KIF12: variants seen among roughly 807,000 people sequenced by gnomAD.
KIF12 encodes kinesin family member 12.
KIF12 carries 80 observed loss-of-function variants against 87.9 expected under a neutral mutation model. The ratio of observed to expected loss-of-function variants is 0.91; its 90% confidence interval spans 0.76 to 1.10. The LOEUF (loss-of-function observed/expected upper bound fraction) is 1.10, where lower values mean the gene tolerates loss of function less well. KIF12 is among the 50% of genes least tolerant of loss of function. The pLI is 0.00. For missense variants in KIF12, 819 were observed against 865.3 expected, an observed-to-expected ratio of 0.95 and a Z score of 0.67; for synonymous variants, 353 against 348.5, an observed-to-expected ratio of 1.01 and a Z score of -0.14.
intron 15 of KIF12, 32 bp downstream of exon 15, chr9:114,093,375 G>A (rs1007776977): frequency 1.3e-6 from 2 of 1,555,808 alleles, no homozygotes; most frequent in African/African-American, 1.4e-5. Context: ...ATCCCTACTT[G>A]TCACCCCTCC....
rs1234332026 is a variant in KIF12 at position 114,097,760 on chromosome 9, G to A, written c.376-19C>T. 5.0e-6 allele frequency: 8 copies of A among 1,608,320 alleles called. No individual in the cohort carries two copies. The highest frequency in any genetic ancestry group is 2.2e-5 in the East Asian group (1 of 44,566). On this transcript the variant is annotated intron_variant, in intron 5 of 18. Coordinates refer to ENST00000640217, the MANE Select transcript of KIF12 (RefSeq NM_001388308.1). ...CCTCCCCCTAGGGGCAAAACCAGCT[G>A]AGCCATCGTCATCTCCACAGTAATA... is the stretch of plus-strand genomic sequence containing the variant.
chr9:114,091,854 T>A lies in KIF12; in HGVS notation c.*7A>T. 1 of 1,593,822 alleles carries A rather than the reference T, an allele frequency of 6.3e-7. No individual in the cohort carries two copies. Among genetic ancestry groups the A allele is most frequent in the Non-Finnish European group, 8.6e-7 (1 of 1,165,796 alleles). On this transcript the variant is annotated 3_prime_UTR_variant, in exon 19 of 19. Coordinates refer to ENST00000640217, the MANE Select transcript of KIF12 (RefSeq NM_001388308.1). The stretch of plus-strand genomic sequence containing the variant: ...ACACAGCAGTCTCCTGGGTTCCCAC[T>A]TGGCCTTCAATGGGGAGGGAGGACT...
intron 3 of KIF12, 71 bp from the exon 4 acceptor site, chr9:114,098,500 GT>G (rs1847338414): frequency 1.6e-5 from 15 of 925,836 alleles, no homozygotes; most frequent in East Asian, 1.2e-4. Flanking sequence ...GCGGGGCACC[GT>G]GGAGGAGGGC....
rs147618581 is a variant in KIF12, at chr9:114,095,230, C to T, written c.998G>A (p.Arg333His). The T allele has an allele frequency of 1.3e-4, 213 of 1,613,814 alleles. No individual in the cohort carries two copies. Among genetic ancestry groups the T allele is most frequent in the African/African-American group, 1.3e-3 (96 of 75,054 alleles). The change falls in exon 10 of 19, where the codon CGC becomes CAC. Residue 333 changes from arginine to histidine, a missense_variant. Transcript: ENST00000640217. ...TKLLADSLGG[R>H]GVTLMVACVS... ...CTTAAGTACCATGAGGGTGACCCCG[C>T]GCCCTCCCAGTGAGTCTGCCAGCAA...
At position 114,096,040 on chromosome 9, in the gene KIF12, C is replaced by T. The variant is rs1187582441; in HGVS notation, c.895+11G>A. On this transcript the variant is annotated intron_variant, in intron 9 of 18. Coordinates refer to ENST00000640217, the MANE Select transcript of KIF12 (RefSeq NM_001388308.1). Reference sequence around the variant, plus strand: ...AGACAGGAAATCACACCGGTGGCCCCCAGGTCTCACCCAGGGCCAGCAGGC... The same window carrying T: ...AGACAGGAAATCACACCGGTGGCCCTCAGGTCTCACCCAGGGCCAGCAGGC... 2 of 1,604,064 alleles carry T rather than the reference C, an allele frequency of 1.2e-6. No homozygotes were observed. The highest frequency in any genetic ancestry group is 1.7e-6 in the Non-Finnish European group (2 of 1,175,532).
chr9:114,093,541 C>G, intron 14 of KIF12, 44 bp from the exon 15 acceptor site: 1 of 1,468,916 alleles, frequency 6.8e-7, no homozygotes, highest in South Asian at 1.2e-5. Context: ...TCCAACCCTA[C>G]CACCAAGCTG....
chr9:114,093,489 A>G lies in KIF12; in HGVS notation c.1409T>C (p.Leu470Pro). ...QQVHALERRL[L>P]SACYHHQQGP... ...CTGCTGGTGATGGTAGCAGGCAGAGAGGAGACGCCTAGAAAGAACAGCAGG... is the reference window on the plus strand; with the variant it reads ...CTGCTGGTGATGGTAGCAGGCAGAGGGGAGACGCCTAGAAAGAACAGCAGG... The change falls in exon 15 of 19, where the codon CTC (leucine) becomes CCC (proline). Residue 470 changes from leucine to proline, a missense_variant. Transcript: ENST00000640217. The G allele has an allele frequency of 6.4e-7, 1 of 1,557,912 alleles. No homozygotes were observed. Among genetic ancestry groups the G allele is most frequent in the Non-Finnish European group, 8.7e-7 (1 of 1,150,246 alleles).
At position 114,097,665 on chromosome 9, in the gene KIF12, T is replaced by C. The variant is rs1382015633; in HGVS notation, c.452A>G (p.Gln151Arg). 6.8e-6 allele frequency: 11 copies of C among 1,614,004 alleles called. No individual in the cohort carries two copies. The highest frequency in any genetic ancestry group is 4.0e-5 in the African/African-American group (3 of 74,918). Residue 151 changes from glutamine (Q) to arginine (R), a missense_variant, in exon 6 of 19, where the codon CAG becomes CGG. By Grantham distance (43) the Gln-to-Arg change is conservative (BLOSUM62 1). Coordinates refer to ENST00000640217, the MANE Select transcript of KIF12 (RefSeq NM_001388308.1). ...RTFAWLLDRVQHLGAPVTLRA... is the reference protein window; with the variant it reads ...RTFAWLLDRVRHLGAPVTLRA... ...AAGGGTGACAGGGGCACCCAGGTGC[T>C]GCACGCGGTCCAACAGCCAGGCGAA...
rs776564952 is a variant in KIF12 at position 114,092,517 on chromosome 9, C to A, written c.1697+25G>T. ...AGTTCCCCAGACCACCCCTCTCTGA[C>A]CTCAGTGCCCCAGGAGAGACCCACC... On this transcript the variant is annotated intron_variant, in intron 17 of 18. Transcript: ENST00000640217. 2.9e-5 allele frequency: 47 copies of A among 1,613,284 alleles called. No individual in the cohort carries two copies. In the Middle Eastern group the frequency reaches 8.3e-4, roughly 28 times the overall value.
intron 11 of KIF12, 46 bp downstream of exon 11, chr9:114,094,977 C>T: frequency 2.0e-6 from 3 of 1,477,916 alleles, no homozygotes; most frequent in Non-Finnish European, 1.8e-6. Context: ...CCTGATCCCC[C>T]AGCATCTCCA....
At chr9:114,094,150 A>G (rs750420054) in intron 13 of KIF12, 31 bp downstream of exon 13, 1 of 1,593,242 alleles carries the variant, frequency 6.3e-7, no homozygotes, top group South Asian at 1.1e-5. Context: ...GGTGGGGAGC[A>G]GCATCCCTCT....
Position 114,095,221 on chromosome 9 carries a change from G to A in KIF12, c.1007C>T (p.Thr336Ile). The A allele has an allele frequency of 1.2e-6, 2 of 1,613,718 alleles. No individual in the cohort carries two copies. Among genetic ancestry groups the A allele is most frequent in the Non-Finnish European group, 1.7e-6 (2 of 1,180,004 alleles). ...LADSLGGRGV[T>I]LMVACVSPSA... is the part of the protein sequence containing the mutation. ...CAGGCCCCGCTTAAGTACCATGAGG[G>A]TGACCCCGCGCCCTCCCAGTGAGTC... The change falls in exon 10 of 19, where the codon ACC (threonine) becomes ATC (isoleucine). Residue 336 changes from threonine (T) to isoleucine (I), a missense_variant. Thr to Ile is a moderately conservative substitution (Grantham distance 89, BLOSUM62 -1). Transcript: ENST00000640217.
intron 6 of KIF12, 79 bp from the exon 7 acceptor site, chr9:114,097,515 C>T: frequency 6.3e-7 from 1 of 1,586,322 alleles, no homozygotes; most frequent in Non-Finnish European, 8.6e-7. Flanking sequence ...ACAACAGTCC[C>T]CACCGCCTCT....
At chr9:114,095,806 T>C (rs1847200745) in intron 9 of KIF12, among the ~76,000 whole-genome samples, 1 of 152,216 alleles carries the variant, frequency 6.6e-6, no homozygotes, top group Non-Finnish European at 1.5e-5. Flanking sequence ...AGTTGAGTGG[T>C]TCTATTTCCC....
rs1469047807 is a variant in KIF12, at chr9:114,092,552, G to T, written c.1687C>A (p.Pro563Thr). Reference sequence around the variant, plus strand: ...CCAGGAGAGACCCACCTCTCTCTTGGGCACTTGGCAGAGCCAGGGCTGCAT... The same window carrying T: ...CCAGGAGAGACCCACCTCTCTCTTGTGCACTTGGCAGAGCCAGGGCTGCAT... Reference protein sequence around the residue: ...PPCSPGSAKCPRERSHSDWTQ... With the variant: ...PPCSPGSAKCTRERSHSDWTQ... The change falls in exon 17 of 19, where the codon CCA (proline) becomes ACA (threonine). Residue 563 changes from proline (P) to threonine (T), a missense_variant. Physicochemically the swap from Pro to Thr is conservative, Grantham distance 38. Coordinates refer to ENST00000640217, the MANE Select transcript of KIF12 (RefSeq NM_001388308.1). The T allele has an allele frequency of 6.2e-7, 1 of 1,611,888 alleles. No homozygotes were observed. Among genetic ancestry groups the T allele is most frequent in the Non-Finnish European group, 8.5e-7 (1 of 1,179,638 alleles).
rs1847297465 is a variant in KIF12 at position 114,097,742 on chromosome 9, C to T, written c.376-1G>A. ...TGGGGGGTACAGGCACCCCCTCCCC[C>T]TAGGGGCAAAACCAGCTGAGCCATC... On this transcript the variant is annotated splice_acceptor_variant, in intron 5 of 18. Transcript: ENST00000640217. LOFTEE classifies it high-confidence loss of function. The T allele has an allele frequency of 1.2e-6, 2 of 1,612,638 alleles. No individual in the cohort carries two copies. Among genetic ancestry groups the T allele is most frequent in the Non-Finnish European group, 1.7e-6 (2 of 1,179,510 alleles).
rs1354800174 is a variant in KIF12, at chr9:114,096,198, T to C, written c.748A>G (p.Met250Val). The C allele has an allele frequency of 1.2e-6, 2 of 1,613,808 alleles. No individual in the cohort carries two copies. Among genetic ancestry groups the C allele is most frequent in the Non-Finnish European group, 8.5e-7 (1 of 1,179,928 alleles). Residue 250 changes from methionine to valine, a missense_variant, in exon 9 of 19, where the codon ATG (methionine) becomes GTG (valine). Physicochemically the swap from Met to Val is conservative, Grantham distance 21. Coordinates refer to ENST00000640217, the MANE Select transcript of KIF12 (RefSeq NM_001388308.1). Reference sequence around the variant, plus strand: ...GGCTCCCCAGGGTCCACAGAAGGCATCTGCTGGGCCTGAGGGATCAGAGCT... The same window carrying C: ...GGCTCCCCAGGGTCCACAGAAGGCACCTGCTGGGCCTGAGGGATCAGAGCT... ...LYISRQTAQQMPSVDPGEPPV... is the reference protein window; with the variant it reads ...LYISRQTAQQVPSVDPGEPPV...
rs756796022 is a variant in KIF12, at chr9:114,093,886, C to T, written c.1400G>A (p.Arg467Lys). 4 of 1,613,732 alleles carry T rather than the reference C, an allele frequency of 2.5e-6. No individual in the cohort carries two copies. The highest frequency in any genetic ancestry group is 3.4e-6 in the Non-Finnish European group (4 of 1,179,672). Residue 467 changes from arginine to lysine, a missense_variant and splice_region_variant, in exon 14 of 19, where the codon AGG becomes AAG. By Grantham distance (26) the Arg-to-Lys change is conservative. Coordinates refer to ENST00000640217, the MANE Select transcript of KIF12 (RefSeq NM_001388308.1). ...ILAQQVHALE[R>K]RLLSACYHHQ... ...GCTCCAAGCTGGTGGCTCTGCTTAC[C>T]TCTCTAGTGCATGGACCTGCTGGGC...
chr9:114,093,033 C>A (rs1273457067), intron 16 of KIF12, 196 bp downstream of exon 16: 1 of 1,227,458 alleles, frequency 8.1e-7, no homozygotes, highest in Non-Finnish European at 1.1e-6. Flanking sequence ...CTGGCCCTGA[C>A]AGGGCAGGGT....
Sources: allele counts gnomAD v4.1 joint callset (sites outside exome capture counted in the v4.1 genomes callset), GRCh38; gene constraint gnomAD v4.1.1; transcripts MANE v1.5; gene names NCBI Gene and HGNC (gene_info 2026-07-23, HGNC 2026-07-21).